Variants in GREB1 observed in about 807,000 individuals in gnomAD.
GREB1 encodes growth regulating estrogen receptor binding 1.
Under a neutral mutation model 200.7 loss-of-function variants are expected in GREB1, and 106 were observed. The observed-to-expected ratio is 0.53, with a 90% CI of 0.45 to 0.62. The LOEUF is 0.62. Ranked by LOEUF, GREB1 falls within the 20% of genes least tolerant of loss-of-function variation. GREB1 has a pLI of 0.00. For synonymous variants in GREB1, 1,132 were observed against 1,092.4 expected (o/e 1.04, Z -0.72); for missense variants, 2,243 against 2,556.8 (o/e 0.88, Z 2.65).
Position 11,584,054 on chromosome 2 carries a change from G to A in GREB1, c.902-1107G>A, listed in dbSNP as rs552174932. Among the ~76,000 whole-genome samples, 6 of 152,256 alleles carry A rather than the reference G, an allele frequency of 3.9e-5. No homozygotes were observed. In the East Asian group the frequency reaches 5.8e-4, roughly 15 times the overall value. On this transcript the variant is annotated intron_variant, in intron 7 of 32. Coordinates refer to ENST00000381486, the MANE Select transcript of GREB1 (RefSeq NM_014668.4). ...TGGTATTTCTCCACCCGGGCTGTGCGTTAGAATCAAGAAGAAGCGTTGAGA... is the reference window on the plus strand; with the variant it reads ...TGGTATTTCTCCACCCGGGCTGTGCATTAGAATCAAGAAGAAGCGTTGAGA...
intron 1 of GREB1, among the ~76,000 whole-genome samples, chr2:11,524,468 C>T (rs1334094138): frequency 6.6e-6 from 1 of 152,194 alleles, no homozygotes; most frequent in Admixed American, 6.5e-5. Flanking sequence ...CAAGAGTACC[C>T]TCTAAGGGAA....
chr2:11,616,549 A>T, intron 20 of GREB1, 82 bp from the exon 21 acceptor site: 1 of 847,616 alleles, frequency 1.2e-6, no homozygotes, highest in Non-Finnish European at 2.0e-6. Context: ...GCATGGGAAC[A>T]CACTTTACAC....
In GREB1 at chr2:11,578,054, T is replaced by C. The variant is rs1370583877; in HGVS notation, c.638-243T>C. Reference sequence around the variant, plus strand: ...TTATTTGTGTAATTTTTCCCTTTCTTCTAAATACTCACCATTGCTCCCACT... The same window carrying C: ...TTATTTGTGTAATTTTTCCCTTTCTCCTAAATACTCACCATTGCTCCCACT... On this transcript the variant is annotated intron_variant, in intron 5 of 32. Coordinates refer to ENST00000381486, the MANE Select transcript of GREB1 (RefSeq NM_014668.4). Among the ~76,000 whole-genome samples, 3 of 152,168 alleles carry C rather than the reference T, an allele frequency of 2.0e-5. No individual in the cohort carries two copies. The East Asian group carries it at 5.8e-4, about 29-fold the overall frequency.
In GREB1 at chr2:11,492,426, G is replaced by A. The variant is rs1389132796; in HGVS notation, c.-159+10045G>A. On this transcript the variant is annotated intron_variant, in intron 1 of 2. Coordinates refer to the GREB1 transcript ENST00000628795. This position sits in a 1 kb window ranked among gnomAD's most constrained non-coding sequence, Gnocchi z 4.0. Reference sequence around the variant, plus strand: ...TCCTGGCCATGTGTACAGAATTTCCGCAAAAGGAGGACGATAAATTGGGAG... The same window carrying A: ...TCCTGGCCATGTGTACAGAATTTCCACAAAAGGAGGACGATAAATTGGGAG... Among the ~76,000 whole-genome samples, 1 of 152,178 alleles carries A rather than the reference G, an allele frequency of 6.6e-6. No individual in the cohort carries two copies. The highest frequency in any genetic ancestry group is 1.5e-5 in the Non-Finnish European group (1 of 68,034).
At chr2:11,550,564 C>T (rs116597011) in intron 1 of GREB1, among the ~76,000 whole-genome samples, 1,527 of 152,274 alleles carry the variant, frequency 0.01, 32 homozygotes, top group African/African-American at 0.035. Flanking sequence ...AGGGAGTCCT[C>T]CCACTCTTCA....
intron 22 of GREB1, among the ~76,000 whole-genome samples, chr2:11,619,436 A>G (rs969276050): frequency 6.6e-6 from 1 of 152,146 alleles, no homozygotes; most frequent in African/African-American, 2.4e-5. Context: ...GCTCTTTGGA[A>G]CAGAGCTGGG....
intron 7 of GREB1, among the ~76,000 whole-genome samples, chr2:11,583,373 A>G (rs1333669926): frequency 6.6e-6 from 1 of 152,224 alleles, no homozygotes; most frequent in African/African-American, 2.4e-5. Context: ...AGGAAGGAGG[A>G]AAGCAGCAGC....
intron 1 of GREB1, among the ~76,000 whole-genome samples, chr2:11,505,809 T>C (rs1479218717): frequency 6.6e-6 from 1 of 151,752 alleles, no homozygotes; most frequent in Non-Finnish European, 1.5e-5. Flanking sequence ...ATCACACCAC[T>C]GCACTCCAGC....
chr2:11,490,401 A>G (rs1672751888), intron 1 of GREB1, among the ~76,000 whole-genome samples: 1 of 152,208 alleles, frequency 6.6e-6, no homozygotes, highest in African/African-American at 2.4e-5. Flanking sequence ...GTTTCTTTAT[A>G]TGGCTGAATA....
chr2:11,586,213 T>C (rs1239291766), intron 9 of GREB1, among the ~76,000 whole-genome samples: 1 of 152,230 alleles, frequency 6.6e-6, no homozygotes, highest in Non-Finnish European at 1.5e-5. Context: ...TTCATTGAGC[T>C]TCTGCCGTGG....
chr2:11,611,682 G>C (rs1289033744), intron 18 of GREB1, among the ~76,000 whole-genome samples: 2 of 152,142 alleles, frequency 1.3e-5, no homozygotes, highest in African/African-American at 4.8e-5. Flanking sequence ...GCAGTGCCAT[G>C]CTCCCTGCCT....
chr2:11,568,464 C>G (rs893531168), intron 4 of GREB1, among the ~76,000 whole-genome samples: 1 of 152,222 alleles, frequency 6.6e-6, no homozygotes, highest in African/African-American at 2.4e-5. Context: ...CATGGAGTCA[C>G]TGTAACTAGT....
intron 10 of GREB1, 121 bp downstream of exon 10, chr2:11,589,052 T>A (rs1680466695): frequency 1.4e-6 from 1 of 739,488 alleles, no homozygotes; most frequent in South Asian, 1.7e-5. Context: ...TGGGGAGAGC[T>A]TATGGCTTCA....
At chr2:11,613,653 G>T (rs1683131831) in intron 19 of GREB1, among the ~76,000 whole-genome samples, 1 of 152,130 alleles carries the variant, frequency 6.6e-6, no homozygotes, top group South Asian at 2.1e-4. Flanking sequence ...ATTTCACATG[G>T]ATTAATTCTT....
chr2:11,587,909 C>A lies in GREB1; in HGVS notation c.1160-837C>A, dbSNP rs974795178. On this transcript the variant is annotated intron_variant, in intron 9 of 32. Transcript: ENST00000381486. ...TTGAACCCGACCTGGGCAATTCCAC[C>A]TCTGAGGGCTGTCCTCAGAATGAAT... 5 of 996,830 alleles carry A rather than the reference C, an allele frequency of 5.0e-6. No homozygotes were observed. In the African/African-American group the frequency reaches 6.9e-5, roughly 14 times the overall value. 61.7% of individuals were successfully genotyped at this position (996,830 alleles called of 1,614,324 possible).
At chr2:11,483,535 A>G (rs1672568795) in intron 1 of GREB1, among the ~76,000 whole-genome samples, 2 of 151,366 alleles carry the variant, frequency 1.3e-5, no homozygotes, top group South Asian at 4.2e-4. Flanking sequence ...ACCCGGGAGA[A>G]AATTTTGGGG....
chr2:11,601,145 C>T, intron 16 of GREB1, 150 bp downstream of exon 16: 1 of 635,684 alleles, frequency 1.6e-6, no homozygotes, highest in Non-Finnish European at 2.6e-6. Flanking sequence ...AGGTTGTAAA[C>T]CCTTCTTGGT....
rs758926727 is a variant in GREB1 at position 11,556,629 on chromosome 2, C to G, written c.15C>G (p.Tyr5Ter). The G allele has an allele frequency of 1.2e-6, 2 of 1,611,132 alleles. No individual in the cohort carries two copies. The highest frequency in any genetic ancestry group is 1.7e-6 in the Non-Finnish European group (2 of 1,178,520). MGNS[Y>*]AGQLKTTRFE... The stretch of plus-strand genomic sequence containing the variant: ...TCCTCTTGAAGATGGGAAATTCTTA[C>G]GCTGGACAGCTGAAGACGACACGCT... The change falls in exon 2 of 33, where the codon TAC becomes TAG. Residue 5 changes from tyrosine (Y) to a stop codon, truncating the protein, a stop_gained. Coordinates refer to ENST00000381486, the MANE Select transcript of GREB1 (RefSeq NM_014668.4). LOFTEE classifies it high-confidence loss of function.
Position 11,620,887 on chromosome 2 carries a change from A to G in GREB1, c.4045-18A>G. The G allele has an allele frequency of 6.6e-7, 1 of 1,515,750 alleles. No homozygotes were observed. The highest frequency in any genetic ancestry group is 9.2e-7 in the Non-Finnish European group (1 of 1,091,642). 93.9% of individuals were successfully genotyped at this position (1,515,750 alleles called of 1,614,324 possible). ...TGGGGCTTCCTCACTGGGGGTTTTA[A>G]CTCCTATACCTTTACAGATCGGGAA... On this transcript the variant is annotated intron_variant, in intron 22 of 32. Coordinates refer to ENST00000381486, the MANE Select transcript of GREB1 (RefSeq NM_014668.4).
Sources: allele counts gnomAD v4.1 joint callset (sites outside exome capture counted in the v4.1 genomes callset), GRCh38; gene constraint gnomAD v4.1.1; non-coding constraint Gnocchi (gnomAD v3.1); transcripts MANE v1.5; gene names NCBI Gene and HGNC (gene_info 2026-07-23, HGNC 2026-07-21).